The following MDGA2 variants were observed in gnomAD, a reference collection of about 807,000 sequenced individuals.
The protein encoded by MDGA2 is MAM domain-containing glycosylphosphatidylinositol anchor protein 2.
Under a neutral mutation model 117.8 loss-of-function variants are expected in MDGA2, and 40 were observed. That is an observed-to-expected ratio of 0.34 (90% CI 0.26 to 0.44). The LOEUF is 0.44. Ranked by LOEUF, MDGA2 falls within the 20% of genes least tolerant of loss-of-function variation. MDGA2 has a pLI of 1.00. For missense variants in MDGA2, 1,123 were observed against 1,250.6 expected (o/e 0.90, Z 1.54); for synonymous variants, 452 against 439.0 (o/e 1.03, Z -0.37).
At chr14:47,085,985 C>A (rs987604319) in intron 6 of MDGA2, among the ~76,000 whole-genome samples, 1 of 151,806 alleles carries the variant, frequency 6.6e-6, no homozygotes, top group Non-Finnish European at 1.5e-5. Flanking sequence ...AAATTAATTA[C>A]CTTATTTTGA....
chr14:47,094,945 A>C (rs1879876469), intron 6 of MDGA2, among the ~76,000 whole-genome samples: 1 of 152,074 alleles, frequency 6.6e-6, no homozygotes, highest in Non-Finnish European at 1.5e-5. Context: ...AATATTTTAA[A>C]AATAAAAGTT....
At chr14:47,610,328 C>T (rs886858126) in intron 1 of MDGA2, among the ~76,000 whole-genome samples, 1 of 151,956 alleles carries the variant, frequency 6.6e-6, no homozygotes, top group Non-Finnish European at 1.5e-5. Flanking sequence ...AGTAATCAGA[C>T]AAGAGAAAGT....
intron 1 of MDGA2, among the ~76,000 whole-genome samples, chr14:47,602,231 T>G (rs1896661920): frequency 6.6e-6 from 1 of 152,122 alleles, no homozygotes; most frequent in African/African-American, 2.4e-5. Context: ...ACAGACCCAG[T>G]CACAAAAGTG....
intron 1 of MDGA2, among the ~76,000 whole-genome samples, chr14:47,667,744 C>G (rs1370627995): frequency 6.6e-6 from 1 of 152,224 alleles, no homozygotes; most frequent in Non-Finnish European, 1.5e-5. Flanking sequence ...CTTCCTCTTT[C>G]AGGAAGATGT....
At chr14:47,189,656 C>A (rs79532939) in intron 3 of MDGA2, among the ~76,000 whole-genome samples, 6,746 of 152,192 alleles carry the variant, frequency 0.044, 213 homozygotes, top group Non-Finnish European at 0.067. Flanking sequence ...AGACAATCAT[C>A]ATTTAAAAGT....
intron 8 of MDGA2, among the ~76,000 whole-genome samples, chr14:46,989,292 C>A (rs183041557): frequency 1.7e-4 from 26 of 151,622 alleles, no homozygotes; most frequent in African/African-American, 5.8e-4. Flanking sequence ...GAACTCCCCC[C>A]ACACATATCA....
chr14:47,297,195 TA>T (rs1365854370), intron 2 of MDGA2, among the ~76,000 whole-genome samples: 1 of 152,148 alleles, frequency 6.6e-6, no homozygotes, highest in Admixed American at 6.5e-5. Flanking sequence ...TGAACATAAA[TA>T]ATTACATTTA....
chr14:47,200,539 T>C (rs1286685526), intron 3 of MDGA2: 22 of 564,248 alleles, frequency 3.9e-5, no homozygotes, highest in African/African-American at 1.4e-4. Flanking sequence ...CTTTTCTTTT[T>C]TTTTTTTTTT....
chr14:47,208,310 T>C lies in MDGA2; in HGVS notation c.595+9711A>G, dbSNP rs901829271. Among the ~76,000 whole-genome samples the C allele has an allele frequency of 1.6e-4, 24 of 152,064 alleles. 1 individual carries two copies. The highest frequency in any genetic ancestry group is 5.3e-4 in the African/African-American group (22 of 41,438). On this transcript the variant is annotated intron_variant, in intron 3 of 16. Transcript: ENST00000399232. The stretch of plus-strand genomic sequence containing the variant: ...TAAATTTAAATTTGATAGTATAATG[T>C]ATTCTGAATACATTCAGAGAAAGTA...
At chr14:47,396,865 G>T (rs907420136) in intron 1 of MDGA2, among the ~76,000 whole-genome samples, 2 of 152,152 alleles carry the variant, frequency 1.3e-5, no homozygotes, top group African/African-American at 4.8e-5. Context: ...GGAGAAATAA[G>T]AATGCTTTTA....
intron 1 of MDGA2, among the ~76,000 whole-genome samples, chr14:47,387,214 G>A (rs1891780207): frequency 1.3e-5 from 2 of 152,096 alleles, no homozygotes; most frequent in African/African-American, 4.8e-5. Context: ...GGCCAAATCG[G>A]TTCTACAATC....
At chr14:47,412,044 G>A (rs1381270171) in intron 1 of MDGA2, among the ~76,000 whole-genome samples, 1 of 152,120 alleles carries the variant, frequency 6.6e-6, no homozygotes, top group Non-Finnish European at 1.5e-5. Flanking sequence ...GTGAAGTCTA[G>A]CACCCATTTA....
At chr14:47,484,372 A>G (rs916183422) in intron 1 of MDGA2, among the ~76,000 whole-genome samples, 1 of 152,196 alleles carries the variant, frequency 6.6e-6, no homozygotes, top group African/African-American at 2.4e-5. Context: ...AGTCCATCCA[A>G]TAGAGCAGCC....
intron 1 of MDGA2, among the ~76,000 whole-genome samples, chr14:47,469,659 G>T (rs556100388): frequency 1.3e-5 from 2 of 152,030 alleles, no homozygotes; most frequent in African/African-American, 4.8e-5. Context: ...AGTCCTTTGG[G>T]TATATACCCA....
intron 6 of MDGA2, among the ~76,000 whole-genome samples, chr14:47,063,581 T>C (rs1365809996): frequency 6.6e-6 from 1 of 151,966 alleles, no homozygotes; most frequent in Non-Finnish European, 1.5e-5. Context: ...GAGTATAAAA[T>C]ATATTTTCTG....
chr14:47,319,786 T>C (rs201163587), intron 1 of MDGA2, among the ~76,000 whole-genome samples: 2 of 152,292 alleles, frequency 1.3e-5, no homozygotes, highest in East Asian at 3.9e-4. Context: ...AAAAAGGACA[T>C]GTCATTTATT....
intron 1 of MDGA2, among the ~76,000 whole-genome samples, chr14:47,613,479 T>TCACACACACACACACACA (rs1555336468): frequency 1.4e-5 from 2 of 141,088 alleles, no homozygotes; most frequent in African/African-American, 5.4e-5. Context: ...TCTCTCTCTC[T>TCACACACACACACACACA]CACACACACA....
chr14:47,009,071 T>C (rs779253157), intron 8 of MDGA2, among the ~76,000 whole-genome samples: 1 of 152,040 alleles, frequency 6.6e-6, no homozygotes, highest in Non-Finnish European at 1.5e-5. Flanking sequence ...GTTTACGATA[T>C]TTAATTAAGC....
chr14:47,230,567 C>A (rs899782815), intron 2 of MDGA2, among the ~76,000 whole-genome samples: 1 of 151,928 alleles, frequency 6.6e-6, no homozygotes, highest in Non-Finnish European at 1.5e-5. Context: ...CAATTCCTAT[C>A]GGTACATTTT....
Sources: gnomAD v4.1 joint callset for allele counts (sites outside exome capture counted in the v4.1 genomes callset) on GRCh38, gnomAD v4.1.1 for gene constraint, MANE v1.5 for transcripts, NCBI Gene and HGNC (gene_info 2026-07-23, HGNC 2026-07-21) for gene names.